Variants in ATP2C1 observed in about 807,000 individuals in gnomAD.
ATP2C1 encodes calcium-transporting ATPase type 2C member 1.
ATP2C1 carries 31 observed loss-of-function variants against 120.5 expected under a neutral mutation model. The observed-to-expected ratio is 0.26, with a 90% CI of 0.19 to 0.35. The LOEUF (loss-of-function observed/expected upper bound fraction) is 0.35, where lower values mean the gene tolerates loss of function less well. ATP2C1 is among the 10% of genes least tolerant of loss of function. The pLI is 1.00. For synonymous variants in ATP2C1, 351 were observed against 358.7 expected (o/e 0.98, Z 0.24); for missense variants, 731 against 1,107.5 (o/e 0.66, Z 4.83).
At chr3:130,925,553 C>T (rs1253058580) in intron 2 of ATP2C1, among the ~76,000 whole-genome samples, 1 of 152,094 alleles carries the variant, frequency 6.6e-6, no homozygotes, top group Non-Finnish European at 1.5e-5. Flanking sequence ...TGTTGGTTGT[C>T]CTCCAGCTGG....
At chr3:130,902,351 C>T (rs536247849) in intron 2 of ATP2C1, among the ~76,000 whole-genome samples, 6 of 80,668 alleles carry the variant, frequency 7.4e-5, no homozygotes, top group Admixed American at 2.0e-4. Context: ...GCCTAGGAAA[C>T]ATAGAGTAGC....
rs185058678 is a variant in ATP2C1, at chr3:130,990,367, G to A, written c.1840-2584G>A. Among the ~76,000 whole-genome samples the A allele has an allele frequency of 1.8e-3, 265 of 150,528 alleles. 5 individuals carry two copies. Among genetic ancestry groups the A allele is most frequent in the Non-Finnish European group, 1.9e-3 (128 of 67,720 alleles). On this transcript the variant is annotated intron_variant, in intron 20 of 27. Transcript: ENST00000510168. ...GACTAGGGAGGGCCTCACTGAGAAGGTACTATTTGACAGAAGAGGGACCCA... is the reference window on the plus strand; with the variant it reads ...GACTAGGGAGGGCCTCACTGAGAAGATACTATTTGACAGAAGAGGGACCCA...
chr3:130,956,155 T>C lies in ATP2C1; in HGVS notation c.808T>C (p.Ser270Pro). ...KSMDLLGKQL[S>P]FYSFGIIGII... is the part of the protein sequence containing the mutation. Reference sequence around the variant, plus strand: ...CATGGACCTCTTAGGAAAACAACTTTCCTTTTACTCCTTTGGTATAATAGG... The same window carrying C: ...CATGGACCTCTTAGGAAAACAACTTCCCTTTTACTCCTTTGGTATAATAGG... The change falls in exon 11 of 28, where the codon TCC becomes CCC. Residue 270 changes from serine (S) to proline (P), a missense_variant. By Grantham distance (74) the Ser-to-Pro change is moderately conservative (BLOSUM62 -1). This residue lies in a region of ATP2C1 where 571 missense variants were observed against 845.9 expected (regional missense o/e 0.67). Transcript: ENST00000510168. 1 of 1,606,614 alleles carries C rather than the reference T, an allele frequency of 6.2e-7. No individual in the cohort carries two copies. Among genetic ancestry groups the C allele is most frequent in the Non-Finnish European group, 8.5e-7 (1 of 1,173,610 alleles).
chr3:130,937,507 C>G (rs2059722423), intron 6 of ATP2C1, 44 bp downstream of exon 6: 4 of 1,549,496 alleles, frequency 2.6e-6, no homozygotes, highest in Non-Finnish European at 3.6e-6. Context: ...ATGTTAATTG[C>G]TTAAAAATCA....
At position 130,972,556 on chromosome 3, in the gene ATP2C1, C is replaced by T. The variant is rs550263184; in HGVS notation, c.1414-2776C>T. Among the ~76,000 whole-genome samples the T allele has an allele frequency of 1.6e-4, 24 of 150,624 alleles. No homozygotes were observed. The East Asian group carries it at 3.1e-3, about 20-fold the overall frequency. ...GTTACATATGTATACATGTGCCATGCTGGTGTGCTGCACCCATTAACTCAT... is the reference window on the plus strand; with the variant it reads ...GTTACATATGTATACATGTGCCATGTTGGTGTGCTGCACCCATTAACTCAT... On this transcript the variant is annotated intron_variant, in intron 17 of 27. Coordinates refer to ENST00000510168, the MANE Select transcript of ATP2C1 (RefSeq NM_001378687.1).
rs181294486 is a variant in ATP2C1 at position 130,967,933 on chromosome 3, T to G, written c.1308+514T>G. On this transcript the variant is annotated intron_variant, in intron 16 of 27. Coordinates refer to ENST00000510168, the MANE Select transcript of ATP2C1 (RefSeq NM_001378687.1). ...TCAGTTAACTTTTCATCTGTCCCAATCCGTCTCCTTATCCCCTAAGTCCTA... is the reference window on the plus strand; with the variant it reads ...TCAGTTAACTTTTCATCTGTCCCAAGCCGTCTCCTTATCCCCTAAGTCCTA... Among the ~76,000 whole-genome samples the G allele has an allele frequency of 2.5e-3, 376 of 152,324 alleles. 1 individual carries two copies. The highest frequency in any genetic ancestry group is 8.0e-3 in the African/African-American group (334 of 41,578).
At chr3:130,877,848 T>C (rs2107801034) in intron 1 of ATP2C1, among the ~76,000 whole-genome samples, 1 of 152,274 alleles carries the variant, frequency 6.6e-6, no homozygotes, top group Admixed American at 6.5e-5. Flanking sequence ...TGTATGTTTA[T>C]TGCGGCACTA....
intron 5 of ATP2C1, among the ~76,000 whole-genome samples, chr3:130,937,173 G>A (rs878937314): frequency 1.3e-5 from 2 of 152,230 alleles, no homozygotes; most frequent in South Asian, 4.1e-4. Context: ...TTAAAAGCTG[G>A]TCCTCAATTT....
At chr3:130,942,233 G>T (rs984360029) in intron 8 of ATP2C1, among the ~76,000 whole-genome samples, 1 of 152,196 alleles carries the variant, frequency 6.6e-6, no homozygotes, top group Non-Finnish European at 1.5e-5. Context: ...ATGAAACTCT[G>T]TTGGGACATG....
At chr3:130,988,085 A>G (rs1288159525) in intron 20 of ATP2C1, among the ~76,000 whole-genome samples, 3 of 152,138 alleles carry the variant, frequency 2.0e-5, no homozygotes, top group Non-Finnish European at 4.4e-5. Flanking sequence ...TATTATTATC[A>G]CAATTCATAT....
intron 2 of ATP2C1, among the ~76,000 whole-genome samples, chr3:130,922,260 G>C (rs1011824913): frequency 6.6e-6 from 1 of 152,142 alleles, no homozygotes; most frequent in African/African-American, 2.4e-5. Context: ...AGTGTTCATA[G>C]TAGCCTTGAA....
chr3:130,869,593 A>C (rs920305076), intron 1 of ATP2C1, among the ~76,000 whole-genome samples: 28 of 152,334 alleles, frequency 1.8e-4, no homozygotes, highest in African/African-American at 5.8e-4. Context: ...ACTCCAGTGA[A>C]CACACAAATG....
chr3:130,980,155 T>C (rs1456411515), intron 19 of ATP2C1, among the ~76,000 whole-genome samples: 1 of 152,206 alleles, frequency 6.6e-6, no homozygotes, highest in African/African-American at 2.4e-5. Flanking sequence ...GTACTTAAAA[T>C]GCACTCTGAT....
chr3:130,997,557 T>G (rs1353612288), intron 24 of ATP2C1, 49 bp from the exon 25 acceptor site: 7 of 1,576,934 alleles, frequency 4.4e-6, no homozygotes, highest in Admixed American at 3.3e-5. Flanking sequence ...AAGTAACAAA[T>G]CCAGACCTTA....
At chr3:130,894,044 C>T (rs1576611227), upstream of ATP2C1, 5 of 986,300 alleles carry the variant, frequency 5.1e-6, no homozygotes, top group Admixed American at 2.5e-4. This position sits in a 1 kb window ranked among gnomAD's most constrained non-coding sequence, Gnocchi z 4.5. Flanking sequence ...GGGCGGCCGG[C>T]GGCGGGGAGG....
chr3:130,975,427 T>C lies in ATP2C1; in HGVS notation c.1509T>C (p.Thr503=). The change falls in exon 18 of 28, where the codon ACT becomes ACC. Residue 503 remains threonine, a synonymous_variant. Coordinates refer to ENST00000510168, the MANE Select transcript of ATP2C1 (RefSeq NM_001378687.1). Reference sequence around the variant, plus strand: ...GCAAAGGGCAGACCTTGACACTTACTCAGCAGCAGAGAGATGTGTACCAAC... The same window carrying C: ...GCAAAGGGCAGACCTTGACACTTACCCAGCAGCAGAGAGATGTGTACCAAC... The part of the protein sequence containing the change: ...YQSKGQTLTL[T]QQQRDVYQQE... The C allele has an allele frequency of 1.2e-6, 2 of 1,613,924 alleles. No individual in the cohort carries two copies. The highest frequency in any genetic ancestry group is 1.7e-6 in the Non-Finnish European group (2 of 1,179,886).
At chr3:130,930,335 A>C in intron 2 of ATP2C1, 81 bp from the exon 3 acceptor site, 1 of 903,146 alleles carries the variant, frequency 1.1e-6, no homozygotes, top group Non-Finnish European at 1.8e-6. Context: ...GTTGCTGTGA[A>C]CTTTTGGATT....
At chr3:130,935,572 A>G (rs535077345) in intron 5 of ATP2C1, among the ~76,000 whole-genome samples, 14 of 152,326 alleles carry the variant, frequency 9.2e-5, no homozygotes, top group African/African-American at 3.4e-4. Context: ...TATCCCAGGT[A>G]TCCCTGAGAC....
intron 20 of ATP2C1, among the ~76,000 whole-genome samples, chr3:130,987,012 T>G (rs1040294604): frequency 4.0e-5 from 6 of 151,676 alleles, no homozygotes; most frequent in African/African-American, 1.2e-4. Flanking sequence ...TGATCATAGC[T>G]CACTGCTGCC....
Sources: gnomAD v4.1 joint callset for allele counts (sites outside exome capture counted in the v4.1 genomes callset) on GRCh38, gnomAD v4.1.1 for gene constraint, gnomAD v4.1.1 regional missense constraint, Gnocchi (gnomAD v3.1) non-coding constraint, MANE v1.5 for transcripts, NCBI Gene and HGNC (gene_info 2026-07-23, HGNC 2026-07-21) for gene names.